Variants in BABAM2 observed in about 807,000 individuals in gnomAD.
The protein encoded by BABAM2 is BRISC and BRCA1 A complex member 2.
In BABAM2, 31 loss-of-function variants were observed where a neutral mutation model predicts 54.7. That is an observed-to-expected ratio of 0.57 (90% CI 0.43 to 0.77). BABAM2 has a LOEUF of 0.77. BABAM2 is among the 30% of genes least tolerant of loss of function. The probability of loss-of-function intolerance (pLI) is 0.00; values close to 1 mark genes in which losing one functional copy is unlikely to be tolerated. For missense variants in BABAM2, 364 were observed against 455.8 expected, an observed-to-expected ratio of 0.80 and a Z score of 1.83; for synonymous variants, 167 against 162.9, an observed-to-expected ratio of 1.03 and a Z score of -0.19.
intron 4 of BABAM2, among the ~76,000 whole-genome samples, chr2:28,023,589 C>T (rs1471233859): frequency 6.6e-6 from 1 of 152,164 alleles, no homozygotes; most frequent in Non-Finnish European, 1.5e-5. Context: ...CAAGATACCC[C>T]TCTTATTCAC....
rs532998408 is a variant in BABAM2, at chr2:28,300,817, A to G, written c.1088+2326A>G. Reference sequence around the variant, plus strand: ...ATTTGCTTTATGTTAACACCAGTCTAAAGAAAACATCTGAAGTAATGTTTA... The same window carrying G: ...ATTTGCTTTATGTTAACACCAGTCTGAAGAAAACATCTGAAGTAATGTTTA... On this transcript the variant is annotated intron_variant, in intron 11 of 11. Coordinates refer to ENST00000379624, the MANE Select transcript of BABAM2 (RefSeq NM_199191.3). Among the ~76,000 whole-genome samples the G allele has an allele frequency of 2.0e-5, 3 of 152,370 alleles. No individual in the cohort carries two copies. The East Asian group carries it at 5.8e-4, about 29-fold the overall frequency.
chr2:28,121,632 T>G (rs1488383174), intron 6 of BABAM2, among the ~76,000 whole-genome samples: 1 of 152,196 alleles, frequency 6.6e-6, no homozygotes, highest in Non-Finnish European at 1.5e-5. Context: ...AAGCCAACTT[T>G]GAGCACCCTT....
chr2:28,194,679 T>G (rs1191260169), intron 7 of BABAM2, among the ~76,000 whole-genome samples: 1 of 147,310 alleles, frequency 6.8e-6, no homozygotes, highest in Non-Finnish European at 1.5e-5. Flanking sequence ...CCTCCTGGGT[T>G]CAAGTGATTT....
At chr2:28,072,841 T>C (rs1461962617) in intron 6 of BABAM2, among the ~76,000 whole-genome samples, 1 of 152,224 alleles carries the variant, frequency 6.6e-6, no homozygotes, top group Admixed American at 6.5e-5. Flanking sequence ...TTTGAACATA[T>C]ACAAAGATAG....
chr2:28,080,907 G>T (rs1283721535), intron 6 of BABAM2, among the ~76,000 whole-genome samples: 1 of 152,186 alleles, frequency 6.6e-6, no homozygotes, highest in Non-Finnish European at 1.5e-5. Flanking sequence ...TTAGGAAAGT[G>T]TTGTGGTAAT....
At chr2:28,048,013 G>A (rs1302067842) in intron 6 of BABAM2, among the ~76,000 whole-genome samples, 1 of 152,178 alleles carries the variant, frequency 6.6e-6, no homozygotes, top group Non-Finnish European at 1.5e-5. Flanking sequence ...TTTGCATTTG[G>A]ATGCTCCTCA....
chr2:27,893,883 A>G (rs1334998692), intron 1 of BABAM2, among the ~76,000 whole-genome samples: 5 of 151,310 alleles, frequency 3.3e-5, no homozygotes, highest in Non-Finnish European at 7.4e-5. Flanking sequence ...AGTCCCAGCT[A>G]CTCGGAAGGC....
intron 6 of BABAM2, among the ~76,000 whole-genome samples, chr2:28,096,844 A>C (rs1666674098): frequency 2.6e-5 from 4 of 151,640 alleles, no homozygotes; most frequent in African/African-American, 9.7e-5. Flanking sequence ...ATTTCTTTGA[A>C]CTAATTCCCC....
In BABAM2 at chr2:28,131,078, TA is replaced by T. The variant is rs1314705631; in HGVS notation, c.680+1699del. On this transcript the variant is annotated intron_variant, in intron 7 of 11. Coordinates refer to ENST00000379624, the MANE Select transcript of BABAM2 (RefSeq NM_199191.3). ...TTATTATTATTATTATTATTATTAT[TA>T]TTTTTTTTTTTTTTTTTTTTGAGAC... Among the ~76,000 whole-genome samples, 9 of 1,992 alleles carry T rather than the reference TA, an allele frequency of 4.5e-3. 1 individual carries two copies. The highest frequency in any genetic ancestry group is 8.0e-3 in the African/African-American group (8 of 1,002). 1.3% of individuals were successfully genotyped at this position (1,992 alleles called of 152,430 possible).
intron 3 of BABAM2, among the ~76,000 whole-genome samples, chr2:27,941,870 C>G (rs981906142): frequency 6.6e-6 from 1 of 152,082 alleles, no homozygotes; most frequent in African/African-American, 2.4e-5. Flanking sequence ...AGAACTGTTA[C>G]TTAAATGGAA....
chr2:28,211,887 C>T (rs1288031958), intron 7 of BABAM2, among the ~76,000 whole-genome samples: 1 of 152,158 alleles, frequency 6.6e-6, no homozygotes, highest in Non-Finnish European at 1.5e-5. Context: ...TTAACTCAGT[C>T]TACATTTAGA....
intron 6 of BABAM2, among the ~76,000 whole-genome samples, chr2:28,067,434 G>C (rs749648171): frequency 2.0e-5 from 3 of 152,092 alleles, no homozygotes; most frequent in Non-Finnish European, 4.4e-5. Context: ...TCTTGATTTT[G>C]TGTCTTCCTC....
intron 10 of BABAM2, among the ~76,000 whole-genome samples, chr2:28,282,142 G>A (rs1686412440): frequency 6.6e-6 from 1 of 152,144 alleles, no homozygotes; most frequent in Admixed American, 6.5e-5. Flanking sequence ...CATGGGAGAA[G>A]AACAGAAGTG....
At chr2:28,022,639 G>A (rs191673517) in intron 4 of BABAM2, among the ~76,000 whole-genome samples, 47 of 152,132 alleles carry the variant, frequency 3.1e-4, no homozygotes, top group Admixed American at 9.8e-4. Flanking sequence ...TGTGCCCTGT[G>A]CCTACTCTTT....
At chr2:27,953,534 C>T (rs1242601209) in intron 3 of BABAM2, among the ~76,000 whole-genome samples, 3 of 151,954 alleles carry the variant, frequency 2.0e-5, no homozygotes, top group South Asian at 2.1e-4. Context: ...TCAAGTGATC[C>T]TCCCTCCTCG....
chr2:28,323,597 C>T (rs1456987357), intron 11 of BABAM2, among the ~76,000 whole-genome samples: 2 of 152,116 alleles, frequency 1.3e-5, no homozygotes, highest in East Asian at 1.9e-4. Flanking sequence ...TCCAAAGCAG[C>T]GTAGCAGAGA....
At chr2:28,053,086 A>G (rs1678121867) in intron 6 of BABAM2, among the ~76,000 whole-genome samples, 1 of 152,196 alleles carries the variant, frequency 6.6e-6, no homozygotes, top group African/African-American at 2.4e-5. Flanking sequence ...TTAGGGTGGT[A>G]TGTATTGATT....
chr2:27,972,451 T>G (rs1671286656), intron 3 of BABAM2, among the ~76,000 whole-genome samples: 1 of 152,192 alleles, frequency 6.6e-6, no homozygotes, highest in South Asian at 2.1e-4. Context: ...CATGGAAAAT[T>G]AAGTGACCTT....
In BABAM2 at chr2:28,070,650, C is replaced by T. The variant is rs557358871; in HGVS notation, c.570+24851C>T. Among the ~76,000 whole-genome samples, 40 of 151,652 alleles carry T rather than the reference C, an allele frequency of 2.6e-4. 1 individual carries two copies. The South Asian group carries it at 6.2e-3, about 24-fold the overall frequency. On this transcript the variant is annotated intron_variant, in intron 6 of 11. Coordinates refer to ENST00000379624, the MANE Select transcript of BABAM2 (RefSeq NM_199191.3). ...CTGCAAGCTCCGCCTCCCGGGTTCA[C>T]GCCATTCTCCTGCCTCAGCCTCCCA...
Sources: gnomAD v4.1 joint callset for allele counts (sites outside exome capture counted in the v4.1 genomes callset) on GRCh38, gnomAD v4.1.1 for gene constraint, MANE v1.5 for transcripts, NCBI Gene and HGNC (gene_info 2026-07-23, HGNC 2026-07-21) for gene names.